Variants in CYLC1 observed in about 807,000 individuals in gnomAD.
The protein encoded by CYLC1 is cylicin 1.
Under a neutral mutation model 31.6 loss-of-function variants are expected in CYLC1, and 2 were observed. That is an observed-to-expected ratio of 0.06 (90% CI 0.03 to 0.20). CYLC1 has a LOEUF of 0.20. Among genes scored for constraint, CYLC1 ranks in the 10% least tolerant of loss-of-function variants. The pLI, the probability that CYLC1 is intolerant of heterozygous loss-of-function variation, is 1.00. For missense variants in CYLC1, 595 were observed against 424.1 expected (o/e 1.40, Z -3.54); for synonymous variants, 185 against 153.0 (o/e 1.21, Z -1.54).
intron 4 of CYLC1, among the ~76,000 whole-genome samples, chrX:83,879,728 C>A (rs1368642375): frequency 3.2e-5 from 2 of 63,412 alleles, no homozygotes; most frequent in African/African-American, 7.5e-5. Flanking sequence ...AACATTCAAA[C>A]ACACACAGAC....
intron 2 of CYLC1, 69 bp from the exon 3 acceptor site, chrX:83,871,379 TACTC>T: frequency 1.4e-6 from 1 of 710,693 alleles, no homozygotes; most frequent in Non-Finnish European, 2.1e-6. Flanking sequence ...ATATGTTTCT[TACTC>T]AAGAATAATT....
intron 4 of CYLC1, among the ~76,000 whole-genome samples, chrX:83,878,424 TATATATATAA>T (rs1468974560): frequency 0.14 from 485 of 3,351 alleles, 39 homozygotes; most frequent in African/African-American, 0.23. Context: ...TATATATAAA[TATATATATAA>T]ATATATATAA....
chrX:83,876,399 G>A (rs2031759603), intron 4 of CYLC1, among the ~76,000 whole-genome samples: 1 of 110,793 alleles, frequency 9.0e-6, no homozygotes, highest in Non-Finnish European at 1.9e-5. Flanking sequence ...CTCTCAAATA[G>A]CTAGACTCTT....
In CYLC1 at chrX:83,886,591, A is replaced by C. The variant is rs2031986117; in HGVS notation, c.*7A>C. 1.7e-6 allele frequency: 2 copies of C among 1,201,135 alleles called. No homozygotes were observed. Among genetic ancestry groups the C allele is most frequent in the African/African-American group, 3.5e-5 (2 of 56,825 alleles). On this transcript the variant is annotated 3_prime_UTR_variant, in exon 5 of 5. Coordinates refer to ENST00000329312, the MANE Select transcript of CYLC1 (RefSeq NM_021118.3). ...GATTCATAAGCTGCTTTAAAGAACA[A>C]CTGAGCACTTGGTTTCACAGAATGG...
rs1303830269 is a variant in CYLC1 at position 83,873,212 on chromosome X, A to T, written c.504A>T (p.Glu168Asp). 6.6e-6 allele frequency: 8 copies of T among 1,205,004 alleles called. No individual in the cohort carries two copies. In the African/African-American group the frequency reaches 8.7e-5, roughly 13 times the overall value. The change falls in exon 4 of 5, where the codon GAA becomes GAT. Residue 168 changes from glutamate (E) to aspartate (D), a missense_variant. By Grantham distance (45) the Glu-to-Asp change is conservative (BLOSUM62 2). Coordinates refer to ENST00000329312, the MANE Select transcript of CYLC1 (RefSeq NM_021118.3). ...ADKTPLKSSH[E>D]NEQSKKSKSS... ...AAACTCCCTTAAAATCATCACATGA[A>T]AATGAACAATCCAAGAAGTCAAAAT...
intron 1 of CYLC1, among the ~76,000 whole-genome samples, chrX:83,868,898 G>A (rs1462700731): frequency 1.8e-5 from 2 of 110,465 alleles, no homozygotes; most frequent in East Asian, 5.7e-4. Flanking sequence ...ATAAAAGCTA[G>A]AATCACTAGA....
At chrX:83,872,048 C>A (rs2031673555) in intron 3 of CYLC1, among the ~76,000 whole-genome samples, 1 of 110,942 alleles carries the variant, frequency 9.0e-6, no homozygotes, top group Non-Finnish European at 1.9e-5. Context: ...ATTTTTAAAG[C>A]ATCTCCCAGA....
chrX:83,874,196 G>C lies in CYLC1; in HGVS notation c.1488G>C (p.Lys496Asn). The change falls in exon 4 of 5, where the codon AAG becomes AAC. Residue 496 changes from lysine to asparagine, a missense_variant. Coordinates refer to ENST00000329312, the MANE Select transcript of CYLC1 (RefSeq NM_021118.3). Reference sequence around the variant, plus strand: ...CTGATTTGGAGTTAAAGAAGGACAAGAAACACTCAAAGGAAAAGAAAGGTT... The same window carrying C: ...CTGATTTGGAGTTAAAGAAGGACAACAAACACTCAAAGGAAAAGAAAGGTT... ...MESDLELKKD[K>N]KHSKEKKGSK... The C allele has an allele frequency of 1.7e-6, 2 of 1,205,709 alleles. No homozygotes were observed. Among genetic ancestry groups the C allele is most frequent in the Admixed American group, 4.4e-5 (2 of 45,495 alleles).
chrX:83,867,700 T>A (rs768210758), intron 1 of CYLC1, among the ~76,000 whole-genome samples: 25 of 111,159 alleles, frequency 2.2e-4, no homozygotes, highest in Non-Finnish European at 4.5e-4. Flanking sequence ...CTTCTCCTCC[T>A]CTGATCCTCT....
At chrX:83,865,330 AG>A (rs1201653043) in intron 1 of CYLC1, among the ~76,000 whole-genome samples, 1 of 111,320 alleles carries the variant, frequency 9.0e-6, no homozygotes, top group East Asian at 2.8e-4. Context: ...TTTCTCTAGC[AG>A]TGAACATCCA....
rs1449399461 is a variant in CYLC1, at chrX:83,861,158, T to C, written c.-25T>C. The C allele has an allele frequency of 8.4e-7, 1 of 1,191,680 alleles. No homozygotes were observed. Among genetic ancestry groups the C allele is most frequent in the South Asian group, 1.8e-5 (1 of 54,730 alleles). On this transcript the variant is annotated 5_prime_UTR_variant, in exon 1 of 5. Transcript: ENST00000329312. ...CCAGTTTCAACTTACTATGCTCAAG[T>C]CCAGGCAACGTACAGGCAGGGGAAA...
At chrX:83,875,664 C>T (rs1012572310) in intron 4 of CYLC1, among the ~76,000 whole-genome samples, 2 of 111,441 alleles carry the variant, frequency 1.8e-5, no homozygotes, top group East Asian at 2.8e-4. Context: ...TGGGCTCCTC[C>T]CACGACATGT....
At chrX:83,881,089 G>A (rs1484512421) in intron 4 of CYLC1, among the ~76,000 whole-genome samples, 2 of 110,560 alleles carry the variant, frequency 1.8e-5, no homozygotes, top group Admixed American at 9.7e-5. Context: ...AAACTAAGGA[G>A]ACTACAAGTT....
intron 1 of CYLC1, among the ~76,000 whole-genome samples, chrX:83,868,933 A>G (rs1193130262): frequency 9.0e-6 from 1 of 110,901 alleles, no homozygotes; most frequent in Non-Finnish European, 1.9e-5. Context: ...ACATTTAAAA[A>G]TTATTGGGAT....
intron 1 of CYLC1, among the ~76,000 whole-genome samples, chrX:83,861,640 G>A (rs953779823): frequency 1.8e-5 from 2 of 111,706 alleles, no homozygotes; most frequent in African/African-American, 6.5e-5. Context: ...CCAAGAAAGT[G>A]CAGTAAGTTT....
chrX:83,878,342 A>AAATATATAAATATATATAAATAT (rs1556035462), intron 4 of CYLC1, among the ~76,000 whole-genome samples: 1 of 1,182 alleles, frequency 8.5e-4, no homozygotes. Flanking sequence ...TATATATATA[A>AAATATATAAATATATATAAATAT]ATATATAAAT....
At chrX:83,884,063 C>G (rs1273961085) in intron 4 of CYLC1, among the ~76,000 whole-genome samples, 1 of 111,061 alleles carries the variant, frequency 9.0e-6, no homozygotes, top group East Asian at 2.8e-4. Flanking sequence ...AGCATGATGC[C>G]TAAGGGTGAA....
intron 1 of CYLC1, chrX:83,864,769 C>G: frequency 3.3e-6 from 1 of 300,706 alleles, no homozygotes; most frequent in Non-Finnish European, 6.3e-6. Flanking sequence ...TACAATTCCA[C>G]TAGCAGCACT....
At chrX:83,886,450 C>A in intron 4 of CYLC1, 102 bp from the exon 5 acceptor site, 2 of 748,007 alleles carry the variant, frequency 2.7e-6, no homozygotes, top group Non-Finnish European at 4.0e-6. Flanking sequence ...TCAACTATGA[C>A]AGTCTGTGCT....
Sources: allele counts gnomAD v4.1 joint callset (sites outside exome capture counted in the v4.1 genomes callset), GRCh38; gene constraint gnomAD v4.1.1; transcripts MANE v1.5; gene names NCBI Gene and HGNC (gene_info 2026-07-23, HGNC 2026-07-21).